The following PLXDC2 variants were observed in gnomAD, a reference collection of about 807,000 sequenced individuals.
The protein encoded by PLXDC2 is plexin domain containing 2.
Under a neutral mutation model 68.9 loss-of-function variants are expected in PLXDC2, and 40 were observed. The ratio of observed to expected loss-of-function variants is 0.58; its 90% CI spans 0.45 to 0.76. The LOEUF (loss-of-function observed/expected upper bound fraction) is 0.76. PLXDC2 is among the 30% of genes least tolerant of loss of function. The probability of loss-of-function intolerance (pLI) is 0.00; values close to 1 mark genes in which losing one functional copy is unlikely to be tolerated. For missense variants in PLXDC2, 644 were observed against 661.9 expected (o/e 0.97, Z 0.30); for synonymous variants, 243 against 234.2 (o/e 1.04, Z -0.34).
At chr10:19,966,356 T>TGCAC (rs1834251828) in intron 1 of PLXDC2, among the ~76,000 whole-genome samples, 2 of 149,202 alleles carry the variant, frequency 1.3e-5, no homozygotes, top group Admixed American at 6.7e-5. Flanking sequence ...TAAATGTATG[T>TGCAC]ATACACATAT....
intron 13 of PLXDC2, among the ~76,000 whole-genome samples, chr10:20,254,576 CTT>C (rs1738810083): frequency 6.6e-6 from 1 of 152,010 alleles, no homozygotes; most frequent in Admixed American, 6.6e-5. Flanking sequence ...AAATAAAATA[CTT>C]TTTATTTATA....
chr10:20,036,872 A>G (rs962229802), intron 2 of PLXDC2, among the ~76,000 whole-genome samples: 12 of 152,320 alleles, frequency 7.9e-5, no homozygotes, highest in Admixed American at 6.5e-4. Flanking sequence ...CCAATCTACA[A>G]TTTATCAACA....
At chr10:20,007,245 A>G (rs1381348106) in intron 2 of PLXDC2, among the ~76,000 whole-genome samples, 1 of 152,204 alleles carries the variant, frequency 6.6e-6, no homozygotes, top group Non-Finnish European at 1.5e-5. Context: ...CATAGCAATG[A>G]TAGCACCTCA....
intron 3 of PLXDC2, among the ~76,000 whole-genome samples, chr10:20,064,708 C>G (rs1361992075): frequency 6.6e-6 from 1 of 152,132 alleles, no homozygotes; most frequent in Non-Finnish European, 1.5e-5. Context: ...CTGTGGTTCA[C>G]CAGTCAACCA....
At chr10:19,906,384 G>A (rs1012976934) in intron 1 of PLXDC2, among the ~76,000 whole-genome samples, 4 of 152,156 alleles carry the variant, frequency 2.6e-5, no homozygotes, top group African/African-American at 9.7e-5. Context: ...TGAGCAAAAG[G>A]AAAATGTGGA....
intron 12 of PLXDC2, among the ~76,000 whole-genome samples, chr10:20,242,040 G>A (rs1835522988): frequency 6.6e-6 from 1 of 151,986 alleles, no homozygotes; most frequent in Non-Finnish European, 1.5e-5. Context: ...AAGAGGGAGG[G>A]AAGGATTTGA....
chr10:20,146,525 TCCCTC>T (rs1564332405), intron 5 of PLXDC2, among the ~76,000 whole-genome samples: 2 of 143,050 alleles, frequency 1.4e-5, no homozygotes, highest in Non-Finnish European at 1.5e-5. Context: ...CCTTCCTCCC[TCCCTC>T]CCTCCCTCCC....
At position 19,990,392 on chromosome 10, in the gene PLXDC2, A is replaced by G. The variant is rs537377306; in HGVS notation, c.113-11383A>G. On this transcript the variant is annotated intron_variant, in intron 1 of 13. Coordinates refer to ENST00000377252, the MANE Select transcript of PLXDC2 (RefSeq NM_032812.9). ...CTTAGAAGGAATTTATTCTAAATAT[A>G]TATTTTAACAACTATTTAGAGAGTC... Among the ~76,000 whole-genome samples, 304 of 152,302 alleles carry G rather than the reference A, an allele frequency of 2.0e-3. 1 individual carries two copies. Among genetic ancestry groups the G allele is most frequent in the African/African-American group, 7.0e-3 (290 of 41,586 alleles).
chr10:20,107,866 A>T (rs1437811156), intron 4 of PLXDC2, among the ~76,000 whole-genome samples: 2 of 152,202 alleles, frequency 1.3e-5, no homozygotes, highest in African/African-American at 4.8e-5. Flanking sequence ...TTTACCAATA[A>T]ATACAAGCAA....
Position 20,245,398 on chromosome 10 carries a change from C to T in PLXDC2, c.1366C>T (p.Leu456Phe). The T allele has an allele frequency of 6.2e-7, 1 of 1,614,032 alleles. No homozygotes were observed. Among genetic ancestry groups the T allele is most frequent in the Non-Finnish European group, 8.5e-7 (1 of 1,179,944 alleles). ...GAAAGGGGGAACCCTCCACGCTGGC[C>T]TCATCATTGGAATCCTCATCCTGGT... ...EKKGGTLHAG[L>F]IIGILILVLI... The change falls in exon 13 of 14, where the codon CTC (leucine) becomes TTC (phenylalanine). Residue 456 changes from leucine to phenylalanine, a missense_variant. Leu to Phe is a conservative substitution (Grantham distance 22). Coordinates refer to ENST00000377252, the MANE Select transcript of PLXDC2 (RefSeq NM_032812.9).
chr10:20,016,827 G>GA (rs1835220659), intron 2 of PLXDC2, among the ~76,000 whole-genome samples: 3 of 152,298 alleles, frequency 2.0e-5, no homozygotes, highest in Non-Finnish European at 2.9e-5. Flanking sequence ...AGATGAAGCA[G>GA]TGCTTATATT....
At chr10:20,141,691 T>C (rs996741722) in intron 4 of PLXDC2, among the ~76,000 whole-genome samples, 35 of 152,050 alleles carry the variant, frequency 2.3e-4, no homozygotes, top group African/African-American at 8.2e-4. Flanking sequence ...TTCATATTTA[T>C]AATGTTAAGG....
At position 20,191,062 on chromosome 10, in the gene PLXDC2, T is replaced by C. The variant is rs539756220; in HGVS notation, c.1061+13653T>C. ...AGGAAATTATGTGTTAGGAATTCTGTCATTCATGGAAAAGTGCAAGAAATC... is the reference window on the plus strand; with the variant it reads ...AGGAAATTATGTGTTAGGAATTCTGCCATTCATGGAAAAGTGCAAGAAATC... On this transcript the variant is annotated intron_variant, in intron 9 of 13. Coordinates refer to ENST00000377252, the MANE Select transcript of PLXDC2 (RefSeq NM_032812.9). 1.8e-4 allele frequency among the ~76,000 whole-genome samples: 27 copies of C among 151,772 alleles called. No individual in the cohort carries two copies. In the South Asian group the frequency reaches 2.7e-3, roughly 15 times the overall value.
At chr10:19,962,989 CAA>C (rs56922353) in intron 1 of PLXDC2, among the ~76,000 whole-genome samples, 6,132 of 88,296 alleles carry the variant, frequency 0.069, 117 homozygotes, top group Middle Eastern at 0.1. Context: ...GACTACGTCT[CAA>C]AAAAAAAAAA....
intron 1 of PLXDC2, among the ~76,000 whole-genome samples, chr10:19,820,543 A>G (rs1425450311): frequency 6.6e-6 from 1 of 151,742 alleles, no homozygotes. Flanking sequence ...CTGAGGCAGG[A>G]GAATGGCGGG....
At chr10:19,909,777 G>GATT (rs1833231891) in intron 1 of PLXDC2, among the ~76,000 whole-genome samples, 1 of 152,108 alleles carries the variant, frequency 6.6e-6, no homozygotes. Flanking sequence ...TGATGATGAT[G>GATT]ATCATGACAA....
intron 5 of PLXDC2, 131 bp from the exon 6 acceptor site, chr10:20,147,653 C>T (rs1834097167): frequency 1.8e-6 from 1 of 568,076 alleles, no homozygotes. Context: ...TTTGATTAAC[C>T]ACATAAAATC....
At chr10:20,095,963 A>G (rs764382627) in intron 4 of PLXDC2, among the ~76,000 whole-genome samples, 1 of 152,218 alleles carries the variant, frequency 6.6e-6, no homozygotes, top group Non-Finnish European at 1.5e-5. Flanking sequence ...TTCAGTTTTT[A>G]CAATGTTAAT....
rs78614838 is a variant in PLXDC2, at chr10:20,067,688, A to G, written c.472-482A>G. 8.3e-3 allele frequency among the ~76,000 whole-genome samples: 1,140 copies of G among 137,594 alleles called. 5 individuals are homozygous for G. The highest frequency in any genetic ancestry group is 0.013 in the Non-Finnish European group (842 of 64,746). 90.3% of individuals were successfully genotyped at this position (137,594 alleles called of 152,430 possible). A position where few individuals can be genotyped will look rare whatever the true frequency, so the allele number is the denominator to read the frequency against. ...GGGCAAAACAGAGAAACTCCGACTCAAAAAAAAAAAAAAAAATTCTGCAGG... is the reference window on the plus strand; with the variant it reads ...GGGCAAAACAGAGAAACTCCGACTCGAAAAAAAAAAAAAAAATTCTGCAGG... On this transcript the variant is annotated intron_variant, in intron 3 of 13. Transcript: ENST00000377252.
Sources: allele counts gnomAD v4.1 joint callset (sites outside exome capture counted in the v4.1 genomes callset), GRCh38; gene constraint gnomAD v4.1.1; transcripts MANE v1.5; gene names NCBI Gene and HGNC (gene_info 2026-07-23, HGNC 2026-07-21).